RNF144A: variants seen among roughly 807,000 people sequenced by gnomAD.
RNF144A encodes ring finger protein 144A.
RNF144A carries 11 observed loss-of-function variants against 38.7 expected under a neutral mutation model. The ratio of observed to expected loss-of-function variants is 0.28; its 90% CI spans 0.18 to 0.47. RNF144A has a LOEUF of 0.47. RNF144A is among the 20% of genes least tolerant of loss of function. The pLI, the probability that RNF144A is intolerant of heterozygous loss-of-function variation, is 0.99. For missense variants in RNF144A, 316 were observed against 377.2 expected, an observed-to-expected ratio of 0.84 and a Z score of 1.34; for synonymous variants, 149 against 143.9, an observed-to-expected ratio of 1.04 and a Z score of -0.25.
intron 1 of RNF144A, among the ~76,000 whole-genome samples, chr2:6,940,273 T>C (rs971070236): frequency 2.0e-5 from 3 of 152,214 alleles, no homozygotes; most frequent in Admixed American, 2.0e-4. Context: ...GTTATTAATA[T>C]ACAGATCTTA....
At chr2:6,924,068 C>T (rs1243522786) in intron 1 of RNF144A, among the ~76,000 whole-genome samples, 1 of 152,208 alleles carries the variant, frequency 6.6e-6, no homozygotes, top group Admixed American at 6.5e-5. Context: ...TTCTGTATTC[C>T]ATCATGATCC....
At chr2:7,067,988 A>T (rs996470458) in intron 6 of RNF144A, among the ~76,000 whole-genome samples, 2 of 151,470 alleles carry the variant, frequency 1.3e-5, no homozygotes, top group African/African-American at 4.9e-5. Flanking sequence ...CTGCACCCTC[A>T]CCCCGATATC....
chr2:7,071,353 G>A (rs554786484), downstream of RNF144A, among the ~76,000 whole-genome samples: 3 of 152,334 alleles, frequency 2.0e-5, no homozygotes, highest in South Asian at 6.2e-4. Context: ...GGGAGGCACT[G>A]CAGAGTTCCT....
rs116363867 is a variant in RNF144A at position 7,042,334 on chromosome 2, G to T, written c.*2574G>T. On this transcript the variant is annotated 3_prime_UTR_variant, in exon 9 of 9. Transcript: ENST00000320892. ...CCCAGTAAAACCTGGGGAGTTCTGC[G>T]TTGAGTGGACGGACTTATTCCTGTG... is the stretch of plus-strand genomic sequence containing the variant. 8 of 985,264 alleles carry T rather than the reference G, an allele frequency of 8.1e-6. No individual in the cohort carries two copies. The highest frequency in any genetic ancestry group is 8.4e-6 in the Non-Finnish European group (7 of 829,930). 61.0% of individuals were successfully genotyped at this position (985,264 alleles called of 1,614,324 possible).
chr2:7,028,023 T>C (rs1356945598), intron 7 of RNF144A, among the ~76,000 whole-genome samples: 1 of 151,990 alleles, frequency 6.6e-6, no homozygotes, highest in Non-Finnish European at 1.5e-5. Context: ...CTTGAGGAGC[T>C]TGTCATCTCC....
intron 8 of RNF144A, among the ~76,000 whole-genome samples, chr2:7,035,593 C>T (rs534555870): frequency 2.0e-5 from 3 of 152,200 alleles, no homozygotes; most frequent in Admixed American, 1.3e-4. Context: ...CACATAGGGG[C>T]TTGCTCCACT....
intron 3 of RNF144A, among the ~76,000 whole-genome samples, chr2:7,008,301 G>A (rs1670579943): frequency 6.6e-6 from 1 of 152,252 alleles, no homozygotes; most frequent in Non-Finnish European, 1.5e-5. Context: ...TCCAGCTTCT[G>A]GTGGCTTTTG....
chr2:7,054,271 G>A (rs936413225), intron 6 of RNF144A, among the ~76,000 whole-genome samples: 2 of 152,248 alleles, frequency 1.3e-5, no homozygotes, highest in East Asian at 3.8e-4. Flanking sequence ...GGCCCCGCAA[G>A]TGTTCTTTCA....
At chr2:7,030,363 A>G in intron 8 of RNF144A, 148 bp downstream of exon 8, 1 of 653,474 alleles carries the variant, frequency 1.5e-6, no homozygotes, top group Non-Finnish European at 2.7e-6. Flanking sequence ...CCTGGATAGA[A>G]AGAGCTAGTA....
At chr2:7,057,445 T>G (rs1673784146) in intron 6 of RNF144A, among the ~76,000 whole-genome samples, 1 of 152,182 alleles carries the variant, frequency 6.6e-6, no homozygotes, top group Non-Finnish European at 1.5e-5. Context: ...GCAGAGGCAG[T>G]AAGATGTTAG....
In RNF144A at chr2:7,039,988, G is replaced by T; in HGVS notation, c.*228G>T. Reference sequence around the variant, plus strand: ...GGTGTGGGTAGCGCACATCCCCACAGATCAATCTCTGCAGATGACAGGGAG... The same window carrying T: ...GGTGTGGGTAGCGCACATCCCCACATATCAATCTCTGCAGATGACAGGGAG... On this transcript the variant is annotated 3_prime_UTR_variant, in exon 9 of 9. Coordinates refer to ENST00000320892, the MANE Select transcript of RNF144A (RefSeq NM_014746.6). 7.6e-7 allele frequency: 1 copy of T among 1,323,434 alleles called. No homozygotes were observed. Among genetic ancestry groups the T allele is most frequent in the Non-Finnish European group, 9.7e-7 (1 of 1,033,906 alleles). 82.0% of individuals were successfully genotyped at this position (1,323,434 alleles called of 1,614,324 possible). A position where few individuals can be genotyped will look rare whatever the true frequency, so the allele number is the denominator to read the frequency against.
At chr2:7,036,416 T>C (rs1242625214) in intron 8 of RNF144A, among the ~76,000 whole-genome samples, 1 of 152,196 alleles carries the variant, frequency 6.6e-6, no homozygotes, top group African/African-American at 2.4e-5. Context: ...CGTGGAGGGG[T>C]GCACAGTGAT....
Position 6,944,405 on chromosome 2 carries a change from A to AC in RNF144A, c.-12+3261dup, listed in dbSNP as rs1465843300. 1.3e-5 allele frequency among the ~76,000 whole-genome samples: 2 copies of AC among 151,870 alleles called. No homozygotes were observed. Among genetic ancestry groups the AC allele is most frequent in the Non-Finnish European group, 2.9e-5 (2 of 67,966 alleles). ...GCTGGAGAGATCTTCCCCTCCACTT[A>AC]CCCGATTGCCTACTTACCCCTTTGG... is the stretch of plus-strand genomic sequence containing the variant. On this transcript the variant is annotated intron_variant, in intron 2 of 8. Coordinates refer to ENST00000320892, the MANE Select transcript of RNF144A (RefSeq NM_014746.6). This position sits in a 1 kb window ranked among gnomAD's most constrained non-coding sequence, Gnocchi z 4.7.
At chr2:7,025,224 C>T (rs1671806869) in intron 7 of RNF144A, among the ~76,000 whole-genome samples, 1 of 152,234 alleles carries the variant, frequency 6.6e-6, no homozygotes, top group Admixed American at 6.5e-5. Context: ...TCTCCCAGGC[C>T]CACACGTCTC....
chr2:6,997,357 A>G (rs2292931), intron 3 of RNF144A, among the ~76,000 whole-genome samples: 47,292 of 152,110 alleles, frequency 0.31, 7,738 homozygotes, highest in African/African-American at 0.4. Context: ...CTTGCTACAC[A>G]GCAAAAGCTT....
At position 7,032,183 on chromosome 2, in the gene RNF144A, T is replaced by TGAATCCACGCCCCTTGCAGCTCTGCTG. The variant is rs1558449288; in HGVS notation, c.747+1975_747+2001dup. Among the ~76,000 whole-genome samples the TGAATCCACGCCCCTTGCAGCTCTGCTG allele has an allele frequency of 5.5e-4, 84 of 151,974 alleles. 1 individual carries two copies. Among genetic ancestry groups the TGAATCCACGCCCCTTGCAGCTCTGCTG allele is most frequent in the Middle Eastern group, 3.4e-3 (1 of 290 alleles). ...TCTTTGCACGTGGCCCGGCACGGCT[T>TGAATCCACGCCCCTTGCAGCTCTGCTG]GAATCCACGCCCCTTGCAGCTCTGC... On this transcript the variant is annotated intron_variant, in intron 8 of 8. Transcript: ENST00000320892.
chr2:7,045,541 G>A (rs1281972036), downstream of RNF144A, among the ~76,000 whole-genome samples: 6 of 152,126 alleles, frequency 3.9e-5, no homozygotes, highest in African/African-American at 7.2e-5. Context: ...CTGTGTGCAC[G>A]CCTGTGGACA....
At chr2:7,005,184 C>T (rs1339297857) in intron 3 of RNF144A, among the ~76,000 whole-genome samples, 1 of 152,110 alleles carries the variant, frequency 6.6e-6, no homozygotes, top group African/African-American at 2.4e-5. Flanking sequence ...GCTGAAGGTC[C>T]CTCTGTTCAA....
At chr2:7,006,072 T>C (rs1021026198) in intron 3 of RNF144A, among the ~76,000 whole-genome samples, 2 of 152,112 alleles carry the variant, frequency 1.3e-5, no homozygotes, top group African/African-American at 4.8e-5. Context: ...CCTGAAATCA[T>C]GACAGCTATG....
Sources: allele counts gnomAD v4.1 joint callset (sites outside exome capture counted in the v4.1 genomes callset), GRCh38; gene constraint gnomAD v4.1.1; non-coding constraint Gnocchi (gnomAD v3.1); transcripts MANE v1.5; gene names NCBI Gene and HGNC (gene_info 2026-07-23, HGNC 2026-07-21).